The following UPRT variants were observed in gnomAD, a reference collection of about 807,000 sequenced individuals.
UPRT encodes the protein RP11-311P8.3.
In UPRT, 5 loss-of-function variants were observed where a neutral mutation model predicts 22.6. The observed-to-expected ratio is 0.22, with a 90% CI of 0.12 to 0.47. The LOEUF is 0.47. Among genes scored for constraint, UPRT ranks in the 20% least tolerant of loss-of-function variants. The pLI is 0.99. For missense variants in UPRT, 181 were observed against 239.9 expected (o/e 0.75, Z 1.62); for synonymous variants, 77 against 87.7 (o/e 0.88, Z 0.68).
intron 4 of UPRT, among the ~76,000 whole-genome samples, chrX:75,256,390 T>C (rs926495205): frequency 9.0e-6 from 1 of 111,203 alleles, no homozygotes; most frequent in African/African-American, 3.3e-5. Context: ...TTCATAGCCA[T>C]AAACACCTAC....
intron 2 of UPRT, among the ~76,000 whole-genome samples, chrX:75,161,916 A>G (rs2082201065): frequency 9.0e-6 from 1 of 111,354 alleles, no homozygotes; most frequent in Non-Finnish European, 1.9e-5. Flanking sequence ...TATGTATTAT[A>G]AAACAGTGAC....
In UPRT at chrX:75,251,225, G is replaced by C. The variant is rs1227756941; in HGVS notation, c.-446-39799G>C. Among the ~76,000 whole-genome samples the C allele has an allele frequency of 4.5e-5, 5 of 111,470 alleles. No homozygotes were observed. The East Asian group carries it at 1.4e-3, about 31-fold the overall frequency. ...AGTTCTGGCCAGGGCAATCAGGCAG[G>C]AGAAGGAAATAAAGGGTATTCAATT... is the stretch of plus-strand genomic sequence containing the variant. On this transcript the variant is annotated intron_variant, in intron 4 of 13. Transcript: ENST00000652605.
chrX:75,235,592 A>G (rs2082458860), intron 4 of UPRT, among the ~76,000 whole-genome samples: 1 of 111,814 alleles, frequency 8.9e-6, no homozygotes, highest in African/African-American at 3.3e-5. Context: ...CAAAAAGCTT[A>G]TCCACCATGA....
chrX:75,269,814 C>G (rs1027913551), upstream of UPRT, among the ~76,000 whole-genome samples: 4 of 111,241 alleles, frequency 3.6e-5, no homozygotes, highest in Non-Finnish European at 7.6e-5. Flanking sequence ...AAAAGAAAAC[C>G]TAGGCAATAC....
At chrX:75,203,633 C>T (rs1461903629) in intron 4 of UPRT, among the ~76,000 whole-genome samples, 1 of 111,172 alleles carries the variant, frequency 9.0e-6, no homozygotes, top group East Asian at 2.8e-4. Flanking sequence ...CCACTGTTTA[C>T]AGGCTTGGAC....
chrX:75,255,522 T>C (rs1275950203), intron 4 of UPRT, among the ~76,000 whole-genome samples: 1 of 111,687 alleles, frequency 9.0e-6, no homozygotes, highest in Non-Finnish European at 1.9e-5. Context: ...AATACTAACA[T>C]TGAATTGGAG....
intron 1 of UPRT, among the ~76,000 whole-genome samples, chrX:75,293,169 A>G (rs1478987095): frequency 3.6e-5 from 4 of 111,234 alleles, no homozygotes; most frequent in African/African-American, 1.3e-4. Context: ...CTCACCCTCC[A>G]GGGGTAACTT....
intron 4 of UPRT, among the ~76,000 whole-genome samples, chrX:75,216,816 G>A (rs1349653127): frequency 3.6e-5 from 4 of 112,095 alleles, no homozygotes; most frequent in African/African-American, 9.7e-5. Context: ...GTGCAGCGGC[G>A]CAATCTCGGC....
chrX:75,232,984 C>G (rs1362921055), intron 4 of UPRT, among the ~76,000 whole-genome samples: 1 of 111,841 alleles, frequency 8.9e-6, no homozygotes, highest in Non-Finnish European at 1.9e-5. Context: ...GATCAAATTA[C>G]TCCGAGCTAC....
At chrX:75,216,686 T>G (rs1310112356) in intron 4 of UPRT, among the ~76,000 whole-genome samples, 1 of 112,689 alleles carries the variant, frequency 8.9e-6, no homozygotes, top group Non-Finnish European at 1.9e-5. Context: ...GCACATTCTG[T>G]TTGACCATCC....
chrX:75,245,288 GGAA>G (rs1429050669), intron 4 of UPRT, among the ~76,000 whole-genome samples: 4 of 101,058 alleles, frequency 4.0e-5, no homozygotes, highest in African/African-American at 1.5e-4. Context: ...AAAAAGAAAA[GGAA>G]AACAGATAGA....
chrX:75,239,222 C>G (rs1006082002), intron 4 of UPRT, among the ~76,000 whole-genome samples: 5 of 110,683 alleles, frequency 4.5e-5, no homozygotes, highest in African/African-American at 1.6e-4. Flanking sequence ...CAAGATTAAC[C>G]AGAAAAAAAG....
At chrX:75,190,559 A>G (rs1475822712) in intron 4 of UPRT, among the ~76,000 whole-genome samples, 1 of 111,961 alleles carries the variant, frequency 8.9e-6, no homozygotes, top group Non-Finnish European at 1.9e-5. Flanking sequence ...CGTGGAGAAT[A>G]TCCTGCAGAG....
chrX:75,258,419 T>TG (rs753635717), intron 4 of UPRT, among the ~76,000 whole-genome samples: 112 of 110,015 alleles, frequency 1.0e-3, no homozygotes, highest in Middle Eastern at 4.6e-3. Context: ...TGACCTGGGA[T>TG]GCTTGAGCTT....
At position 75,265,969 on chromosome X, in the gene UPRT, G is replaced by A. The variant is rs1006303845; in HGVS notation, c.-446-25055G>A. Among the ~76,000 whole-genome samples, 13 of 111,346 alleles carry A rather than the reference G, an allele frequency of 1.2e-4. No individual in the cohort carries two copies. In the Admixed American group the frequency reaches 1.3e-3, roughly 11 times the overall value. On this transcript the variant is annotated intron_variant, in intron 4 of 13. Coordinates refer to the UPRT transcript ENST00000652605. ...ACAAACAAATGGAAGAACATTCCAT[G>A]CTCATGGGTAGGAAGAATCAATATT...
At chrX:75,258,957 G>T (rs1467104156) in intron 4 of UPRT, among the ~76,000 whole-genome samples, 2 of 111,872 alleles carry the variant, frequency 1.8e-5, no homozygotes, top group Non-Finnish European at 3.8e-5. Flanking sequence ...TGCAGCCTCT[G>T]CTGGTGATAC....
In UPRT at chrX:75,165,949, G is replaced by T. The variant is rs149600360; in HGVS notation, c.-520-1857G>T. Reference sequence around the variant, plus strand: ...AATGATGAAGAATTCACATATCATGGAAAGTTTCTGAAATATAACTTATTC... The same window carrying T: ...AATGATGAAGAATTCACATATCATGTAAAGTTTCTGAAATATAACTTATTC... On this transcript the variant is annotated intron_variant, in intron 3 of 13. Transcript: ENST00000652605. Among the ~76,000 whole-genome samples, 701 of 111,354 alleles carry T rather than the reference G, an allele frequency of 6.3e-3. 4 individuals carry two copies. The highest frequency in any genetic ancestry group is 0.022 in the African/African-American group (669 of 30,660).
intron 4 of UPRT, among the ~76,000 whole-genome samples, chrX:75,185,593 A>G (rs965657152): frequency 1.4e-4 from 16 of 112,093 alleles, no homozygotes; most frequent in African/African-American, 5.2e-4. Context: ...TTCAGAAGGA[A>G]TGGTACCAGT....
At chrX:75,195,050 G>C (rs149385268) in intron 4 of UPRT, among the ~76,000 whole-genome samples, 3,216 of 111,039 alleles carry the variant, frequency 0.029, 116 homozygotes, top group African/African-American at 0.1. Flanking sequence ...GTGAAGGAGG[G>C]GGAAAGTTTC....
Sources: allele counts gnomAD v4.1 joint callset (sites outside exome capture counted in the v4.1 genomes callset), GRCh38; gene constraint gnomAD v4.1.1; transcripts MANE v1.5; gene names NCBI Gene and HGNC (gene_info 2026-07-23, HGNC 2026-07-21).